TTBK2: variants seen among roughly 807,000 people sequenced by gnomAD.
The protein encoded by TTBK2 is tau-tubulin kinase 2.
TTBK2 carries 28 observed loss-of-function variants against 110.8 expected under a neutral mutation model. The observed-to-expected ratio is 0.25, with a 90% confidence interval of 0.19 to 0.35. TTBK2 has a LOEUF of 0.35. Ranked by LOEUF, TTBK2 falls within the 10% of genes least tolerant of loss-of-function variation. The pLI is 1.00. For synonymous variants in TTBK2, 532 were observed against 527.3 expected (o/e 1.01, Z -0.12); for missense variants, 1,369 against 1,500.3 (o/e 0.91, Z 1.45).
At chr15:42,912,700 CAA>C (rs911595859) in intron 1 of TTBK2, among the ~76,000 whole-genome samples, 7 of 151,402 alleles carry the variant, frequency 4.6e-5, no homozygotes, top group South Asian at 2.1e-4. Flanking sequence ...GCCTGGGTGA[CAA>C]GAGCAAAACT....
At chr15:42,801,483 T>C (rs778691758) in intron 9 of TTBK2, 1 of 784,928 alleles carries the variant, frequency 1.3e-6, no homozygotes, top group East Asian at 2.5e-5. Context: ...ATGTTCCGGT[T>C]CATCTAGGAG....
rs574886759 is a variant in TTBK2, at chr15:42,744,449, T to C, written c.*1346A>G. 2 of 152,452 alleles carry C rather than the reference T, an allele frequency of 1.3e-5. No individual in the cohort carries two copies. The highest frequency in any genetic ancestry group is 4.2e-4 in the South Asian group (2 of 4,816). The allele number at this position is 152,452 out of a possible 1,614,324, so 9.4% of individuals were successfully genotyped here. Reference sequence around the variant, plus strand: ...AAATTTCAACAGCAAGCAGACCAATTTACCTGACCTTAATAAGGTCTTTAC... The same window carrying C: ...AAATTTCAACAGCAAGCAGACCAATCTACCTGACCTTAATAAGGTCTTTAC... On this transcript the variant is annotated 3_prime_UTR_variant, in exon 15 of 15. Coordinates refer to ENST00000267890, the MANE Select transcript of TTBK2 (RefSeq NM_173500.4).
intron 3 of TTBK2, among the ~76,000 whole-genome samples, chr15:42,851,727 T>A (rs1014516151): frequency 6.6e-6 from 1 of 152,136 alleles, no homozygotes; most frequent in African/African-American, 2.4e-5. Flanking sequence ...CATAGATATA[T>A]AGAGCTGATT....
At chr15:42,806,578 T>C (rs35435729) in intron 9 of TTBK2, among the ~76,000 whole-genome samples, 1 of 152,236 alleles carries the variant, frequency 6.6e-6, no homozygotes, top group South Asian at 2.1e-4. Flanking sequence ...TTATTTATTG[T>C]CTGACCATAC....
In TTBK2 at chr15:42,745,111, A is replaced by G. The variant is rs991532320; in HGVS notation, c.*684T>C. Reference sequence around the variant, plus strand: ...TGTTAAGAACTCTTGCTCTAAAAAAAAAAAATCAGGGGGACCTAAAAAAAA... The same window carrying G: ...TGTTAAGAACTCTTGCTCTAAAAAAGAAAAATCAGGGGGACCTAAAAAAAA... On this transcript the variant is annotated 3_prime_UTR_variant, in exon 15 of 15. Transcript: ENST00000267890. 6.5e-6 allele frequency: 1 copy of G among 154,416 alleles called. No individual in the cohort carries two copies. The highest frequency in any genetic ancestry group is 1.5e-5 in the Non-Finnish European group (1 of 68,274). 9.6% of individuals were successfully genotyped at this position (154,416 alleles called of 1,614,324 possible).
chr15:42,752,279 C>T lies in TTBK2; in HGVS notation c.2967G>A (p.Lys989=), dbSNP rs1431529681. Residue 989 remains lysine (K), a synonymous_variant, in exon 14 of 15, where the codon AAG becomes AAA. Transcript: ENST00000267890. ...VKLLVEKRQF[K]SFLGDLSSAS... The stretch of plus-strand genomic sequence containing the variant: ...CACTTGAGAGGTCGCCAAGGAAGGA[C>T]TTGAATTGTCTTTTTTCCACCAGAA... 1 of 1,614,180 alleles carries T rather than the reference C, an allele frequency of 6.2e-7. No individual in the cohort carries two copies. Among genetic ancestry groups the T allele is most frequent in the South Asian group, 1.1e-5 (1 of 91,080 alleles).
intron 6 of TTBK2, among the ~76,000 whole-genome samples, chr15:42,820,543 C>T (rs1247292197): frequency 6.6e-6 from 1 of 152,194 alleles, no homozygotes; most frequent in Non-Finnish European, 1.5e-5. Context: ...CACAGATATA[C>T]TTGCATTTGT....
At chr15:42,838,039 C>T (rs1197816999) in intron 4 of TTBK2, among the ~76,000 whole-genome samples, 3 of 151,972 alleles carry the variant, frequency 2.0e-5, no homozygotes, top group Non-Finnish European at 4.4e-5. Context: ...GAAACCCTGT[C>T]TCTACTAAAA....
At chr15:42,836,786 A>G (rs1893001791) in intron 4 of TTBK2, among the ~76,000 whole-genome samples, 1 of 152,200 alleles carries the variant, frequency 6.6e-6, no homozygotes, top group Non-Finnish European at 1.5e-5. Flanking sequence ...CCTGAGACAA[A>G]ACAGTTTTCT....
intron 10 of TTBK2, among the ~76,000 whole-genome samples, chr15:42,789,090 C>T (rs911359158): frequency 3.3e-5 from 5 of 152,102 alleles, no homozygotes; most frequent in African/African-American, 2.4e-5. Flanking sequence ...ATGTCCAAGA[C>T]TTCTGAAAAT....
intron 1 of TTBK2, among the ~76,000 whole-genome samples, chr15:42,897,057 T>G (rs970963092): frequency 2.6e-5 from 4 of 152,028 alleles, no homozygotes; most frequent in African/African-American, 9.7e-5. Flanking sequence ...TTTTGTATTT[T>G]TAGTAGAGAT....
chr15:42,763,857 C>T (rs1312892412), intron 13 of TTBK2, among the ~76,000 whole-genome samples: 1 of 152,114 alleles, frequency 6.6e-6, no homozygotes, highest in African/African-American at 2.4e-5. Context: ...GTAAAAGCTG[C>T]TTTTGTCCTT....
chr15:42,817,292 A>C (rs1892080992), intron 6 of TTBK2, among the ~76,000 whole-genome samples, 195 bp from the exon 7 acceptor site: 1 of 151,966 alleles, frequency 6.6e-6, no homozygotes, highest in Non-Finnish European at 1.5e-5. Flanking sequence ...AAAAAAAAAA[A>C]CTGATAAAAT....
chr15:42,885,967 G>A (rs974537735), intron 1 of TTBK2, among the ~76,000 whole-genome samples: 2 of 152,090 alleles, frequency 1.3e-5, no homozygotes, highest in African/African-American at 4.8e-5. Flanking sequence ...TGTCTATCCT[G>A]CAAGATCTAG....
intron 13 of TTBK2, among the ~76,000 whole-genome samples, chr15:42,757,274 T>TAA (rs57813709): frequency 2.0e-4 from 29 of 145,214 alleles, no homozygotes; most frequent in South Asian, 2.2e-4. Context: ...ACCAGCTAAT[T>TAA]AAAAAAAAAA....
intron 7 of TTBK2, among the ~76,000 whole-genome samples, chr15:42,815,927 T>TAA (rs1262797982): frequency 5.1e-4 from 27 of 52,464 alleles, no homozygotes; most frequent in African/African-American, 2.0e-3. Flanking sequence ...TATATATATT[T>TAA]AAAAATATAT....
At chr15:42,886,363 G>C (rs1895246479) in intron 1 of TTBK2, among the ~76,000 whole-genome samples, 2 of 152,024 alleles carry the variant, frequency 1.3e-5, no homozygotes. Context: ...GAGGTGGCTG[G>C]AGCTAAAGGC....
At position 42,746,194 on chromosome 15, in the gene TTBK2, G is replaced by C. The variant is rs769037057; in HGVS notation, c.3336C>G (p.Ala1112=). The change falls in exon 15 of 15, where the codon GCC becomes GCG. Residue 1112 remains alanine (A), a synonymous_variant. Transcript: ENST00000267890. ...NSDSDLFSRL[A]QILQNGSQKP... The stretch of plus-strand genomic sequence containing the variant: ...TCTGAGATCCATTTTGAAGAATTTG[G>C]GCCAGGCGGGAGAAAAGGTCTGAGT... 2.7e-5 allele frequency: 43 copies of C among 1,613,944 alleles called. No individual in the cohort carries two copies. Among genetic ancestry groups the C allele is most frequent in the Non-Finnish European group, 3.6e-5 (43 of 1,180,026 alleles).
Position 42,745,669 on chromosome 15 carries a change from G to T in TTBK2, c.*126C>A. ...GTATTATGTCTTCTTATAAATAATT[G>T]ATCATGTTACTTTCTTTTGCAAGAG... On this transcript the variant is annotated 3_prime_UTR_variant, in exon 15 of 15. Coordinates refer to ENST00000267890, the MANE Select transcript of TTBK2 (RefSeq NM_173500.4). 1 of 1,145,880 alleles carries T rather than the reference G, an allele frequency of 8.7e-7. No individual in the cohort carries two copies. The highest frequency in any genetic ancestry group is 1.3e-6 in the Non-Finnish European group (1 of 764,560). The allele number at this position is 1,145,880 out of a possible 1,614,324, so 71.0% of individuals were successfully genotyped here.
Sources: gnomAD v4.1 joint callset for allele counts (sites outside exome capture counted in the v4.1 genomes callset) on GRCh38, gnomAD v4.1.1 for gene constraint, MANE v1.5 for transcripts, NCBI Gene and HGNC (gene_info 2026-07-23, HGNC 2026-07-21) for gene names.